Variants in SHC3 observed in about 807,000 individuals in gnomAD.
SHC3 encodes the protein SHC adaptor protein 3.
Under a neutral mutation model 60.4 loss-of-function variants are expected in SHC3, and 15 were observed. The ratio of observed to expected loss-of-function variants is 0.25; its 90% CI spans 0.17 to 0.38. SHC3 has a LOEUF of 0.38. Among genes scored for constraint, SHC3 ranks in the 10% least tolerant of loss-of-function variants. The pLI is 1.00. For synonymous variants in SHC3, 294 were observed against 325.9 expected (o/e 0.90, Z 1.05); for missense variants, 677 against 786.1 (o/e 0.86, Z 1.66).
chr9:89,086,232 C>A (rs945147371), intron 2 of SHC3, among the ~76,000 whole-genome samples: 2 of 152,210 alleles, frequency 1.3e-5, no homozygotes, highest in African/African-American at 4.8e-5. Context: ...GGCTCAGTGT[C>A]CCCAAGACTG....
At chr9:89,158,275 C>A (rs1339258686) in intron 1 of SHC3, among the ~76,000 whole-genome samples, 1 of 151,608 alleles carries the variant, frequency 6.6e-6, no homozygotes, top group Non-Finnish European at 1.5e-5. Context: ...GTATTTGCAG[C>A]CATGTTGTTT....
chr9:89,074,265 G>T (rs534698528), intron 4 of SHC3, among the ~76,000 whole-genome samples: 6 of 152,128 alleles, frequency 3.9e-5, no homozygotes, highest in African/African-American at 1.4e-4. Flanking sequence ...GAATCAGGTA[G>T]AGTATTATAT....
At chr9:89,030,848 C>T (rs1281872017) in intron 11 of SHC3, among the ~76,000 whole-genome samples, 1 of 152,178 alleles carries the variant, frequency 6.6e-6, no homozygotes, top group African/African-American at 2.4e-5. Flanking sequence ...GTGGAATACC[C>T]CACCTTATGA....
intron 1 of SHC3, among the ~76,000 whole-genome samples, chr9:89,156,639 A>G (rs1826627702): frequency 6.6e-6 from 1 of 152,220 alleles, no homozygotes; most frequent in Admixed American, 6.5e-5. Context: ...ACCAAAGACA[A>G]CATCTTAAAA....
chr9:89,063,132 G>A (rs1825118831), intron 6 of SHC3, among the ~76,000 whole-genome samples: 1 of 152,172 alleles, frequency 6.6e-6, no homozygotes, highest in South Asian at 2.1e-4. Flanking sequence ...TGAGCTGGCT[G>A]TGACAGCTTT....
At chr9:89,077,365 A>G (rs1825376088) in intron 3 of SHC3, among the ~76,000 whole-genome samples, 1 of 152,212 alleles carries the variant, frequency 6.6e-6, no homozygotes, top group African/African-American at 2.4e-5. Context: ...TTCACGGGAT[A>G]TAATTTTGAG....
intron 10 of SHC3, among the ~76,000 whole-genome samples, chr9:89,039,199 G>A (rs1016842162): frequency 2.0e-5 from 3 of 152,204 alleles, no homozygotes; most frequent in Admixed American, 2.0e-4. Context: ...CACAAGAACA[G>A]GAGTGGTTCT....
At chr9:89,129,003 C>T (rs1203665992) in intron 1 of SHC3, among the ~76,000 whole-genome samples, 4 of 152,074 alleles carry the variant, frequency 2.6e-5, no homozygotes, top group African/African-American at 7.2e-5. Context: ...AAGCTAAAAA[C>T]CTTGAAAAAA....
Position 89,052,135 on chromosome 9 carries a change from C to A in SHC3, c.864G>T (p.Gly288=), listed in dbSNP as rs777145462. ...TGGAGCCGATGACATCCTGGGCCAG[C>A]CCATCACAGCATTCCAAAATGTGAC... ...RACHILECCD[G]LAQDVIGSIG... Residue 288 remains glycine, a synonymous_variant, in exon 7 of 12, where the codon GGG becomes GGT. Coordinates refer to ENST00000375835, the MANE Select transcript of SHC3 (RefSeq NM_016848.6). The A allele has an allele frequency of 6.2e-7, 1 of 1,613,882 alleles. No individual in the cohort carries two copies. Among genetic ancestry groups the A allele is most frequent in the African/African-American group, 1.3e-5 (1 of 74,932 alleles).
intron 2 of SHC3, among the ~76,000 whole-genome samples, chr9:89,092,983 T>C (rs1363890802): frequency 2.6e-5 from 4 of 152,244 alleles, no homozygotes; most frequent in African/African-American, 9.6e-5. Context: ...CATATCAAAA[T>C]GTGTTTATCT....
chr9:89,117,821 T>A (rs1373982271), intron 1 of SHC3, among the ~76,000 whole-genome samples: 1 of 152,196 alleles, frequency 6.6e-6, no homozygotes, highest in Non-Finnish European at 1.5e-5. Context: ...TCATTCGGAA[T>A]GCATTTGTCT....
chr9:89,125,263 C>T (rs1667154998), intron 1 of SHC3, among the ~76,000 whole-genome samples: 1 of 152,112 alleles, frequency 6.6e-6, no homozygotes, highest in African/African-American at 2.4e-5. Context: ...CTGTACGAGA[C>T]ATCTAAATTT....
intron 2 of SHC3, among the ~76,000 whole-genome samples, chr9:89,081,755 A>G (rs1482643761): frequency 6.6e-6 from 1 of 152,170 alleles, no homozygotes; most frequent in East Asian, 1.9e-4. Flanking sequence ...ATCTATTTTT[A>G]GTAATAAACA....
At position 89,012,405 on chromosome 9, in the gene SHC3, C is replaced by T. The variant is rs1425410514; in HGVS notation, c.*1042G>A. 6.6e-6 allele frequency: 1 copy of T among 152,192 alleles called. No individual in the cohort carries two copies. Among genetic ancestry groups the T allele is most frequent in the Non-Finnish European group, 1.5e-5 (1 of 68,054 alleles). The allele number at this position is 152,192 out of a possible 1,614,324, so 9.4% of individuals were successfully genotyped here. ...CAGTACCTCAAATGGATTCCAGTGA[C>T]TCCTGGGTTTCTGGCACATGCAGCC... On this transcript the variant is annotated 3_prime_UTR_variant, in exon 12 of 12. Transcript: ENST00000375835.
At chr9:89,176,120 A>G (rs1169075055) in intron 1 of SHC3, among the ~76,000 whole-genome samples, 1 of 152,130 alleles carries the variant, frequency 6.6e-6, no homozygotes, top group Admixed American at 6.5e-5. Flanking sequence ...CATGCCATGC[A>G]CCCCTCAACC....
intron 1 of SHC3, among the ~76,000 whole-genome samples, chr9:89,134,961 C>T (rs984712318): frequency 6.6e-6 from 1 of 152,042 alleles, no homozygotes; most frequent in South Asian, 2.1e-4. Context: ...GTATTTACAG[C>T]CTTTAGCAAT....
rs575418886 is a variant in SHC3 at position 89,104,531 on chromosome 9, A to G, written c.545+8025T>C. On this transcript the variant is annotated intron_variant, in intron 2 of 11. Transcript: ENST00000375835. Reference sequence around the variant, plus strand: ...TGTGCCAAGTCAGAGTGCCCACAGAATACAGACCAGCTCTGTGGCCCCTCT... The same window carrying G: ...TGTGCCAAGTCAGAGTGCCCACAGAGTACAGACCAGCTCTGTGGCCCCTCT... Among the ~76,000 whole-genome samples the G allele has an allele frequency of 5.3e-5, 8 of 152,334 alleles. No homozygotes were observed. The South Asian group carries it at 1.7e-3, about 32-fold the overall frequency.
intron 11 of SHC3, among the ~76,000 whole-genome samples, chr9:89,018,169 C>G (rs1826128338): frequency 6.6e-6 from 1 of 152,192 alleles, no homozygotes; most frequent in African/African-American, 2.4e-5. Flanking sequence ...TTAAATCATT[C>G]TACTAAAAAG....
chr9:89,061,346 C>T (rs1825086628), intron 6 of SHC3, among the ~76,000 whole-genome samples: 1 of 152,182 alleles, frequency 6.6e-6, no homozygotes, highest in Non-Finnish European at 1.5e-5. Context: ...TAGAAAGTCA[C>T]CTCTTGGGGC....
Sources: gnomAD v4.1 joint callset for allele counts (sites outside exome capture counted in the v4.1 genomes callset) on GRCh38, gnomAD v4.1.1 for gene constraint, MANE v1.5 for transcripts, NCBI Gene and HGNC (gene_info 2026-07-23, HGNC 2026-07-21) for gene names.